CSMD1: variants seen among roughly 807,000 people sequenced by gnomAD.
CSMD1 encodes CUB and sushi domain-containing protein 1.
In CSMD1, 213 loss-of-function variants were observed where a neutral mutation model predicts 417.5. The ratio of observed to expected loss-of-function variants is 0.51; its 90% CI spans 0.46 to 0.57. The LOEUF is 0.57. Ranked by LOEUF, CSMD1 falls within the 20% of genes least tolerant of loss-of-function variation. The pLI is 0.00. For missense variants in CSMD1, 6,923 were observed against 4,529.7 expected, an observed-to-expected ratio of 1.53 and a Z score of -15.17; for synonymous variants, 2,862 against 1,736.8, an observed-to-expected ratio of 1.65 and a Z score of -16.11.
intron 3 of CSMD1, among the ~76,000 whole-genome samples, chr8:4,360,008 G>A (rs1801660086): frequency 6.6e-6 from 1 of 152,146 alleles, no homozygotes; most frequent in Non-Finnish European, 1.5e-5. Context: ...TCCCAGTTGT[G>A]GAGTTCCAGC....
chr8:4,542,003 A>G (rs1408008262), intron 2 of CSMD1, among the ~76,000 whole-genome samples: 1 of 152,144 alleles, frequency 6.6e-6, no homozygotes, highest in African/African-American at 2.4e-5. Flanking sequence ...GCTGTGAGCC[A>G]CACTCTGTTG....
chr8:3,643,518 C>T (rs557172471), intron 7 of CSMD1, among the ~76,000 whole-genome samples: 13 of 151,934 alleles, frequency 8.6e-5, no homozygotes, highest in South Asian at 6.2e-4. Flanking sequence ...CTGGCTAACA[C>T]AGTGAAATCC....
At chr8:4,818,759 T>C (rs1419007404) in intron 1 of CSMD1, among the ~76,000 whole-genome samples, 1 of 152,244 alleles carries the variant, frequency 6.6e-6, no homozygotes, top group African/African-American at 2.4e-5. Flanking sequence ...CTGATTATAA[T>C]AGCTACACAT....
At chr8:3,826,414 T>G (rs1417913845) in intron 5 of CSMD1, among the ~76,000 whole-genome samples, 3 of 152,096 alleles carry the variant, frequency 2.0e-5, no homozygotes, top group Non-Finnish European at 2.9e-5. Context: ...AGACACGAGT[T>G]ATTAGGGAGA....
intron 5 of CSMD1, among the ~76,000 whole-genome samples, chr8:3,921,808 A>G (rs1321974918): frequency 6.6e-6 from 1 of 152,140 alleles, no homozygotes; most frequent in South Asian, 2.1e-4. Flanking sequence ...CTAACATATG[A>G]TCTATCCTGG....
At chr8:4,376,858 G>A (rs1010673899) in intron 3 of CSMD1, among the ~76,000 whole-genome samples, 1 of 152,140 alleles carries the variant, frequency 6.6e-6, no homozygotes, top group East Asian at 1.9e-4. Flanking sequence ...GTGCTTCTCT[G>A]TTATGCATTT....
chr8:3,558,260 G>A (rs892095006), intron 10 of CSMD1, among the ~76,000 whole-genome samples: 1 of 149,780 alleles, frequency 6.7e-6, no homozygotes, highest in Non-Finnish European at 1.5e-5. Context: ...AGTACCCTGT[G>A]TCCACTCCTC....
intron 5 of CSMD1, among the ~76,000 whole-genome samples, chr8:3,960,904 C>A (rs1331549211): frequency 1.3e-5 from 2 of 151,924 alleles, no homozygotes; most frequent in African/African-American, 2.4e-5. Context: ...TCACAAAAGT[C>A]CTCTAGACTT....
chr8:3,237,029 C>T (rs572017467), intron 26 of CSMD1, among the ~76,000 whole-genome samples: 3 of 152,012 alleles, frequency 2.0e-5, no homozygotes, highest in African/African-American at 4.8e-5. Flanking sequence ...CAACAAAGAA[C>T]CTGCGCTGCC....
chr8:3,869,473 A>G (rs1805331267), intron 5 of CSMD1, among the ~76,000 whole-genome samples: 1 of 152,126 alleles, frequency 6.6e-6, no homozygotes, highest in East Asian at 1.9e-4. Context: ...TTTAACTTGC[A>G]TTCCCCTAAA....
At chr8:4,122,669 G>C (rs1344844289) in intron 3 of CSMD1, among the ~76,000 whole-genome samples, 2 of 152,196 alleles carry the variant, frequency 1.3e-5, no homozygotes, top group African/African-American at 4.8e-5. Flanking sequence ...AGGAAGGGCA[G>C]ACCCTCAGGG....
intron 3 of CSMD1, among the ~76,000 whole-genome samples, chr8:4,207,302 T>C (rs1800037118): frequency 6.6e-6 from 1 of 152,168 alleles, no homozygotes; most frequent in African/African-American, 2.4e-5. Flanking sequence ...TAAACCATGT[T>C]AACGTTAACT....
intron 1 of CSMD1, among the ~76,000 whole-genome samples, chr8:4,827,553 C>T (rs1799906343): frequency 6.6e-6 from 1 of 152,074 alleles, no homozygotes; most frequent in South Asian, 2.1e-4. Context: ...CTTTTTCAAA[C>T]AAGGCTTTGT....
At chr8:3,817,350 G>C (rs916372276) in intron 5 of CSMD1, among the ~76,000 whole-genome samples, 1 of 127,800 alleles carries the variant, frequency 7.8e-6, no homozygotes, top group East Asian at 2.6e-4. Flanking sequence ...GCGGGATCTT[G>C]GCTCACTGCA....
At chr8:4,251,940 A>G (rs1803111171) in intron 3 of CSMD1, among the ~76,000 whole-genome samples, 1 of 151,506 alleles carries the variant, frequency 6.6e-6, no homozygotes. Flanking sequence ...AGGGAAAGAG[A>G]GTAGAGGGGA....
rs1421207734 is a variant in CSMD1 at position 4,072,476 on chromosome 8, G to C, written c.416-40377C>G. 3.3e-5 allele frequency among the ~76,000 whole-genome samples: 5 copies of C among 152,142 alleles called. No individual in the cohort carries two copies. The East Asian group carries it at 9.6e-4, about 29-fold the overall frequency. ...TAGACTTTATTATTTCGCACTTGTAGTGAAGGGAATTGTGACTATAATCCA... is the reference window on the plus strand; with the variant it reads ...TAGACTTTATTATTTCGCACTTGTACTGAAGGGAATTGTGACTATAATCCA... On this transcript the variant is annotated intron_variant, in intron 3 of 69. Transcript: ENST00000635120.
intron 22 of CSMD1, among the ~76,000 whole-genome samples, chr8:3,345,183 G>T (rs375495512): frequency 1.3e-5 from 2 of 152,162 alleles, no homozygotes; most frequent in African/African-American, 4.8e-5. Context: ...AGGTTCATCC[G>T]CTCTCCTGAA....
chr8:2,978,250 G>A (rs145197477), intron 55 of CSMD1, among the ~76,000 whole-genome samples: 8 of 152,170 alleles, frequency 5.3e-5, no homozygotes, highest in East Asian at 1.9e-4. Context: ...AGAGTAAGAC[G>A]CCTGGCGGGG....
At chr8:3,955,895 C>A (rs1217641447) in intron 5 of CSMD1, among the ~76,000 whole-genome samples, 3 of 152,234 alleles carry the variant, frequency 2.0e-5, no homozygotes, top group African/African-American at 7.2e-5. Flanking sequence ...TCTCGGCTCA[C>A]TTCAACCTTT....
Sources: gnomAD v4.1 joint callset for allele counts (sites outside exome capture counted in the v4.1 genomes callset) on GRCh38, gnomAD v4.1.1 for gene constraint, MANE v1.5 for transcripts, NCBI Gene and HGNC (gene_info 2026-07-23, HGNC 2026-07-21) for gene names.